The following MROH2A variants were observed in gnomAD, a reference collection of about 807,000 sequenced individuals.
MROH2A encodes the protein maestro heat-like repeat-containing protein family member 2A.
Under a neutral mutation model 200.4 loss-of-function variants are expected in MROH2A, and 174 were observed. The ratio of observed to expected loss-of-function variants is 0.87; its 90% CI spans 0.77 to 0.98. MROH2A has a LOEUF of 0.98. Among genes scored for constraint, MROH2A ranks in the 50% least tolerant of loss-of-function variants. MROH2A has a pLI of 0.00. For synonymous variants in MROH2A, 829 were observed against 840.4 expected (o/e 0.99, Z 0.23); for missense variants, 2,045 against 2,139.6 (o/e 0.96, Z 0.87).
In MROH2A at chr2:233,828,484, T is replaced by TAA. The variant is rs1704472441; in HGVS notation, c.4114-146_4114-145insAA. On this transcript the variant is annotated intron_variant, in intron 35 of 41. Coordinates refer to ENST00000389758, the MANE Select transcript of MROH2A (RefSeq NM_001394639.1). This position sits in a 1 kb window ranked among gnomAD's most constrained non-coding sequence, Gnocchi z 4.6. ...GGCAGGTACTAGCATCACCCGCTTT[T>TAA]TATAGAGAGGAAACGGAGGCTCTCA... The TAA allele has an allele frequency of 2.0e-6, 2 of 996,518 alleles. No homozygotes were observed. The highest frequency in any genetic ancestry group is 2.9e-6 in the Non-Finnish European group (2 of 687,250). 61.7% of individuals were successfully genotyped at this position (996,518 alleles called of 1,614,324 possible).
At chr2:233,795,187 G>A (rs1488778741) in intron 8 of MROH2A, among the ~76,000 whole-genome samples, 1 of 152,198 alleles carries the variant, frequency 6.6e-6, no homozygotes, top group African/African-American at 2.4e-5. Context: ...GGCAGCCTTG[G>A]TAGAGGGGTG....
chr2:233,819,552 C>T, intron 30 of MROH2A, 83 bp downstream of exon 30: 1 of 1,375,074 alleles, frequency 7.3e-7, no homozygotes, highest in Non-Finnish European at 9.8e-7. Flanking sequence ...ACGAGGGCCT[C>T]ACCAGCACTC....
At chr2:233,796,075 C>T (rs1252207729) in intron 10 of MROH2A, 30 bp downstream of exon 10, 3 of 1,547,118 alleles carry the variant, frequency 1.9e-6, no homozygotes, top group African/African-American at 2.7e-5. Context: ...TGCTCCCTGC[C>T]TGCCCCGAGG....
At chr2:233,819,083 C>T (rs907380145) in intron 29 of MROH2A, among the ~76,000 whole-genome samples, 10 of 152,226 alleles carry the variant, frequency 6.6e-5, no homozygotes, top group South Asian at 4.1e-4. Context: ...GGTGTGGGCA[C>T]GTGGGCAGGC....
At chr2:233,832,471 C>CA (rs1165827753) in intron 40 of MROH2A, 108 bp from the exon 41 acceptor site, 1 of 1,067,242 alleles carries the variant, frequency 9.4e-7, no homozygotes, top group East Asian at 2.6e-5. Context: ...GTGGGCTCAA[C>CA]AAAATCTTTC....
rs773293370 is a variant in MROH2A, at chr2:233,779,657, G to C, written c.95-14G>C. ...CATTTCCACACTGCACCTGGGTGGCGTTTGTTTTCATAGGTACCTTTCAAC... is the reference window on the plus strand; with the variant it reads ...CATTTCCACACTGCACCTGGGTGGCCTTTGTTTTCATAGGTACCTTTCAAC... On this transcript the variant is annotated splice_polypyrimidine_tract_variant and intron_variant, in intron 2 of 41. Transcript: ENST00000389758. 108 of 1,550,070 alleles carry C rather than the reference G, an allele frequency of 7.0e-5. No individual in the cohort carries two copies. The South Asian group carries it at 1.1e-3, about 16-fold the overall frequency.
Position 233,822,251 on chromosome 2 carries a change from A to G in MROH2A, c.3640A>G (p.Ile1214Val). 1 of 1,547,820 alleles carries G rather than the reference A, an allele frequency of 6.5e-7. No individual in the cohort carries two copies. The highest frequency in any genetic ancestry group is 8.7e-7 in the Non-Finnish European group (1 of 1,146,992). ...PRISATSKAD[I>V]WRLAAVDPLM... The stretch of plus-strand genomic sequence containing the variant: ...AATCAGTGCCACCTCCAAGGCTGAC[A>G]TCTGGCGCCTGGCTGCGGTGGACCC... Residue 1214 changes from isoleucine (I) to valine (V), a missense_variant, in exon 32 of 42, where the codon ATC (isoleucine) becomes GTC (valine). Physicochemically the swap from Ile to Val is conservative, Grantham distance 29. This residue lies in a region of MROH2A where 1,201 missense variants were observed against 1,311.3 expected (regional missense o/e 0.92). Transcript: ENST00000389758.
At chr2:233,794,867 G>C (rs1018953044) in intron 8 of MROH2A, among the ~76,000 whole-genome samples, 2 of 151,988 alleles carry the variant, frequency 1.3e-5, no homozygotes, top group East Asian at 1.9e-4. Flanking sequence ...CCAAACTCAG[G>C]GTGTCGGCAG....
rs1703000883 is a variant in MROH2A, at chr2:233,809,272, C to T, written c.2442C>T (p.Ser814=). ...TAKIIHHYVS[S]CQDICLKMAF... is the part of the protein sequence containing the mutation. ...AGATCATTCACCATTATGTCAGCAG[C>T]TGCCAGGTAGCCCCATCTGCTGCCT... is the stretch of plus-strand genomic sequence containing the variant. The change falls in exon 22 of 42, where the codon AGC becomes AGT. Residue 814 remains serine (S), a synonymous_variant. Transcript: ENST00000389758. The T allele has an allele frequency of 6.5e-7, 1 of 1,549,402 alleles. No individual in the cohort carries two copies. Among genetic ancestry groups the T allele is most frequent in the South Asian group, 1.2e-5 (1 of 84,032 alleles).
Position 233,787,430 on chromosome 2 carries a change from C to CATATATATT in MROH2A, c.277-2063_277-2062insATATTATAT, listed in dbSNP as rs1468865002. On this transcript the variant is annotated intron_variant, in intron 3 of 41. Coordinates refer to ENST00000389758, the MANE Select transcript of MROH2A (RefSeq NM_001394639.1). ...TAACACACACACACACACACACACACATATGTATATACATATACATATATA... is the reference window on the plus strand; with the variant it reads ...TAACACACACACACACACACACACACATATATATTATATGTATATACATATACATATATA... Among the ~76,000 whole-genome samples the CATATATATT allele has an allele frequency of 3.7e-4, 50 of 134,554 alleles. 2 individuals carry two copies. The highest frequency in any genetic ancestry group is 2.7e-3 in the Admixed American group (32 of 11,978). The allele number at this position is 134,554 out of a possible 152,430, so 88.3% of individuals were successfully genotyped here.
At position 233,814,640 on chromosome 2, in the gene MROH2A, G is replaced by A. The variant is rs552017145; in HGVS notation, c.2819G>A (p.Arg940Lys). The change falls in exon 26 of 42, where the codon AGG becomes AAG. Residue 940 changes from arginine (R) to lysine (K), a missense_variant. Transcript: ENST00000389758. ...LEQLMESLLQ[R>K]QLDPKGLQEM... ...CAGCTGATGGAGAGCCTCCTGCAGAGGCAGCTGGACCCCAAGGGGCTGCAG... is the reference window on the plus strand; with the variant it reads ...CAGCTGATGGAGAGCCTCCTGCAGAAGCAGCTGGACCCCAAGGGGCTGCAG... 15 of 1,550,528 alleles carry A rather than the reference G, an allele frequency of 9.7e-6. No individual in the cohort carries two copies. The highest frequency in any genetic ancestry group is 9.6e-5 in the African/African-American group (7 of 73,174).
At chr2:233,812,176 G>T (rs1474619312) in intron 24 of MROH2A, among the ~76,000 whole-genome samples, 1 of 152,160 alleles carries the variant, frequency 6.6e-6, no homozygotes, top group Non-Finnish European at 1.5e-5. Context: ...TTCAAGTTGG[G>T]TGCTTCTCCT....
upstream of MROH2A, among the ~76,000 whole-genome samples, chr2:233,777,073 A>C (rs1303608363): frequency 2.0e-5 from 3 of 152,254 alleles, no homozygotes; most frequent in African/African-American, 7.2e-5. Context: ...TTGGCTGGAC[A>C]GAGCACAGAT....
chr2:233,781,803 A>G (rs1260004468), intron 3 of MROH2A, among the ~76,000 whole-genome samples: 2 of 152,116 alleles, frequency 1.3e-5, no homozygotes, highest in African/African-American at 4.8e-5. Flanking sequence ...GCACAAACCA[A>G]TTTCCTGGAG....
intron 26 of MROH2A, among the ~76,000 whole-genome samples, chr2:233,815,827 G>C (rs1358031999): frequency 7.2e-6 from 1 of 138,608 alleles, no homozygotes; most frequent in East Asian, 2.1e-4. Flanking sequence ...ATCAGATAAT[G>C]TAAGTCCTTA....
chr2:233,789,265 A>G (rs1701575379), intron 3 of MROH2A, among the ~76,000 whole-genome samples: 2 of 152,176 alleles, frequency 1.3e-5, no homozygotes, highest in South Asian at 4.1e-4. Context: ...CCAGATATTT[A>G]CTGAAATCGG....
At chr2:233,808,470 C>T (rs543712041) in intron 21 of MROH2A, among the ~76,000 whole-genome samples, 3 of 152,320 alleles carry the variant, frequency 2.0e-5, no homozygotes, top group African/African-American at 4.8e-5. Flanking sequence ...GAAACCATCA[C>T]CCATGCCTCA....
At position 233,812,992 on chromosome 2, in the gene MROH2A, A is replaced by G. The variant is rs565967204; in HGVS notation, c.2652-678A>G. On this transcript the variant is annotated intron_variant, in intron 24 of 41. Transcript: ENST00000389758. ...ACAATAGAACTCATGGGGAACTTTT[A>G]ACAGTATGGATATCCAGGTCCCACC... Among the ~76,000 whole-genome samples the G allele has an allele frequency of 2.1e-3, 323 of 152,276 alleles. 2 individuals are homozygous for G. The highest frequency in any genetic ancestry group is 7.3e-3 in the African/African-American group (303 of 41,560).
At chr2:233,804,808 C>T (rs973048427) in intron 18 of MROH2A, among the ~76,000 whole-genome samples, 196 bp from the exon 19 acceptor site, 6 of 152,162 alleles carry the variant, frequency 3.9e-5, no homozygotes, top group Admixed American at 6.5e-5. Flanking sequence ...CCGCCAGAGC[C>T]ACAGCCATTC....
Sources: allele counts gnomAD v4.1 joint callset (sites outside exome capture counted in the v4.1 genomes callset), GRCh38; gene constraint gnomAD v4.1.1; regional missense constraint gnomAD v4.1.1; non-coding constraint Gnocchi (gnomAD v3.1); transcripts MANE v1.5; gene names NCBI Gene and HGNC (gene_info 2026-07-23, HGNC 2026-07-21).